DPYD: variants seen among roughly 807,000 people sequenced by gnomAD.
The protein encoded by DPYD is dihydropyrimidine dehydrogenase [NADP(+)].
DPYD carries 109 observed loss-of-function variants against 116.2 expected under a neutral mutation model. The ratio of observed to expected loss-of-function variants is 0.94; its 90% confidence interval spans 0.80 to 1.10. DPYD has a LOEUF of 1.10. Ranked by LOEUF, DPYD falls within the 50% of genes least tolerant of loss-of-function variation. The pLI is 0.00. For synonymous variants in DPYD, 440 were observed against 432.0 expected (o/e 1.02, Z -0.23); for missense variants, 1,302 against 1,254.5 (o/e 1.04, Z -0.57).
At chr1:97,428,020 A>G (rs975637272) in intron 14 of DPYD, among the ~76,000 whole-genome samples, 2 of 152,154 alleles carry the variant, frequency 1.3e-5, no homozygotes, top group Non-Finnish European at 2.9e-5. Flanking sequence ...GTTAAAATAT[A>G]AAAGCTTTTT....
chr1:97,583,225 T>C (rs1294582292), intron 10 of DPYD, among the ~76,000 whole-genome samples: 1 of 152,154 alleles, frequency 6.6e-6, no homozygotes, highest in African/African-American at 2.4e-5. Context: ...CGCCCCGGCT[T>C]CCCAAAGTGC....
At chr1:97,563,662 C>G (rs992967112) in intron 11 of DPYD, among the ~76,000 whole-genome samples, 1 of 152,166 alleles carries the variant, frequency 6.6e-6, no homozygotes, top group Admixed American at 6.5e-5. Flanking sequence ...ACTGGGGAAA[C>G]AAACCTATTC....
At chr1:97,101,767 G>A (rs1019094660) in intron 20 of DPYD, among the ~76,000 whole-genome samples, 1 of 151,946 alleles carries the variant, frequency 6.6e-6, no homozygotes, top group African/African-American at 2.4e-5. Flanking sequence ...GGTTTTGAGC[G>A]TCATGCTATA....
chr1:97,680,189 G>A (rs575084165), intron 7 of DPYD, among the ~76,000 whole-genome samples: 142 of 152,168 alleles, frequency 9.3e-4, no homozygotes, highest in Non-Finnish European at 1.7e-3. Flanking sequence ...TGGGTCTCTG[G>A]TCTGTGAAGT....
intron 16 of DPYD, among the ~76,000 whole-genome samples, chr1:97,310,090 A>G (rs539849814): frequency 2.6e-5 from 4 of 151,900 alleles, no homozygotes; most frequent in African/African-American, 4.8e-5. Context: ...TTTCTCTCCC[A>G]TTTACCTAGT....
At chr1:97,404,383 G>C (rs1673532944) in intron 14 of DPYD, among the ~76,000 whole-genome samples, 1 of 152,064 alleles carries the variant, frequency 6.6e-6, no homozygotes, top group Non-Finnish European at 1.5e-5. Flanking sequence ...TGACAGAGAA[G>C]TGTTGTAGTC....
At chr1:97,644,607 T>TTTTTTG (rs1285805680) in intron 8 of DPYD, among the ~76,000 whole-genome samples, 28 of 150,702 alleles carry the variant, frequency 1.9e-4, no homozygotes, top group African/African-American at 6.7e-4. Flanking sequence ...TTGTTTTTTG[T>TTTTTTG]TTTTTGTTTT....
At chr1:97,723,127 G>A (rs775356363) in intron 4 of DPYD, among the ~76,000 whole-genome samples, 3 of 151,534 alleles carry the variant, frequency 2.0e-5, no homozygotes, top group Non-Finnish European at 4.4e-5. Flanking sequence ...TAAAATAAAA[G>A]CTAATGCACG....
chr1:97,753,502 A>G (rs1665052241), intron 3 of DPYD, among the ~76,000 whole-genome samples: 1 of 152,166 alleles, frequency 6.6e-6, no homozygotes, highest in African/African-American at 2.4e-5. Context: ...AATAGTTCTC[A>G]TAATGATAGC....
chr1:97,906,655 G>A lies in DPYD; in HGVS notation c.39+14229C>T, dbSNP rs143700021. Among the ~76,000 whole-genome samples the A allele has an allele frequency of 5.5e-3, 843 of 152,158 alleles. 8 individuals are homozygous for A. Among genetic ancestry groups the A allele is most frequent in the African/African-American group, 0.018 (753 of 41,542 alleles). ...ACTCCCCCAGTGGATGTCTGAAACTGCAGATAGTATTGAACCCTACATATA... is the reference window on the plus strand; with the variant it reads ...ACTCCCCCAGTGGATGTCTGAAACTACAGATAGTATTGAACCCTACATATA... On this transcript the variant is annotated intron_variant, in intron 1 of 22. Coordinates refer to ENST00000370192, the MANE Select transcript of DPYD (RefSeq NM_000110.4).
intron 14 of DPYD, among the ~76,000 whole-genome samples, chr1:97,449,334 A>T (rs1289883909): frequency 1.3e-5 from 2 of 152,084 alleles, no homozygotes; most frequent in African/African-American, 4.8e-5. Flanking sequence ...AGTTGTGTAT[A>T]TTTGAAAGAG....
At chr1:97,347,913 T>A (rs964436447) in intron 16 of DPYD, among the ~76,000 whole-genome samples, 1 of 152,176 alleles carries the variant, frequency 6.6e-6, no homozygotes, top group African/African-American at 2.4e-5. Flanking sequence ...CATTTCTGAC[T>A]TTCTAAAGCC....
At chr1:97,557,164 G>A (rs1177508756) in intron 11 of DPYD, among the ~76,000 whole-genome samples, 6 of 151,760 alleles carry the variant, frequency 4.0e-5, no homozygotes, top group Admixed American at 2.0e-4. Context: ...CTTTTGAGAA[G>A]TGTCTGTTCA....
intron 14 of DPYD, among the ~76,000 whole-genome samples, chr1:97,422,552 G>T (rs188650908): frequency 6.6e-6 from 1 of 152,208 alleles, no homozygotes; most frequent in East Asian, 1.9e-4. Context: ...GATTTCAGAT[G>T]TCTCATTTCC....
At chr1:97,799,070 T>C (rs1667727311) in intron 3 of DPYD, among the ~76,000 whole-genome samples, 1 of 151,956 alleles carries the variant, frequency 6.6e-6, no homozygotes, top group Admixed American at 6.6e-5. Context: ...TTCCTTTCTA[T>C]GGCAAGGAAA....
intron 2 of DPYD, among the ~76,000 whole-genome samples, chr1:97,866,109 A>G (rs770638327): frequency 1.9e-4 from 29 of 152,012 alleles, no homozygotes; most frequent in Non-Finnish European, 3.7e-4. Flanking sequence ...TTCCTTACTT[A>G]GCATTGGGAT....
chr1:97,117,275 G>A (rs1353099316), intron 20 of DPYD, among the ~76,000 whole-genome samples: 1 of 152,184 alleles, frequency 6.6e-6, no homozygotes, highest in East Asian at 1.9e-4. Flanking sequence ...TGAATGCCTT[G>A]TAATTATCAA....
chr1:97,602,283 C>A (rs1571039787), intron 8 of DPYD, among the ~76,000 whole-genome samples: 2 of 152,062 alleles, frequency 1.3e-5, no homozygotes, highest in South Asian at 2.1e-4. Flanking sequence ...TTTCAATTGG[C>A]TTCTATACTT....
At chr1:97,225,393 T>G (rs1385750944) in intron 19 of DPYD, among the ~76,000 whole-genome samples, 2 of 152,014 alleles carry the variant, frequency 1.3e-5, no homozygotes, top group Non-Finnish European at 2.9e-5. Context: ...TTATGTCTCC[T>G]TTGGTCCATT....
Sources: gnomAD v4.1 joint callset for allele counts (sites outside exome capture counted in the v4.1 genomes callset) on GRCh38, gnomAD v4.1.1 for gene constraint, MANE v1.5 for transcripts, NCBI Gene and HGNC (gene_info 2026-07-23, HGNC 2026-07-21) for gene names.